The following SNTB1 variants were observed in gnomAD, a reference collection of about 807,000 sequenced individuals.
SNTB1 encodes the protein beta-1-syntrophin.
A neutral mutation model predicts 48.9 loss-of-function variants in SNTB1; 36 were observed. That is an observed-to-expected ratio of 0.74 (90% confidence interval 0.56 to 0.97). The LOEUF is 0.97. Ranked by LOEUF, SNTB1 falls within the 50% of genes least tolerant of loss-of-function variation. The pLI is 0.00. For synonymous variants in SNTB1, 299 were observed against 294.6 expected, an observed-to-expected ratio of 1.01 and a Z score of -0.15; for missense variants, 786 against 703.4, an observed-to-expected ratio of 1.12 and a Z score of -1.33.
chr8:120,651,450 G>T (rs1025252042), intron 2 of SNTB1, among the ~76,000 whole-genome samples: 14 of 152,204 alleles, frequency 9.2e-5, no homozygotes, highest in Admixed American at 3.3e-4. Context: ...ACAAGTTAAT[G>T]AGAGTTGTGG....
At chr8:120,702,871 C>A (rs1818328726) in intron 1 of SNTB1, among the ~76,000 whole-genome samples, 1 of 152,114 alleles carries the variant, frequency 6.6e-6, no homozygotes, top group African/African-American at 2.4e-5. Context: ...CCTTTTGATA[C>A]CTTCACTTTT....
chr8:120,582,060 A>G (rs547511444), intron 3 of SNTB1, among the ~76,000 whole-genome samples: 1 of 152,300 alleles, frequency 6.6e-6, no homozygotes, highest in East Asian at 1.9e-4. Flanking sequence ...AAAAACAAAC[A>G]AAACAAAAAA....
intron 2 of SNTB1, among the ~76,000 whole-genome samples, chr8:120,640,301 A>T (rs1817167876): frequency 6.6e-6 from 1 of 152,212 alleles, no homozygotes; most frequent in South Asian, 2.1e-4. Flanking sequence ...GGTTTTCTAA[A>T]TATACAATCA....
At chr8:120,603,346 C>T (rs931081352) in intron 3 of SNTB1, among the ~76,000 whole-genome samples, 1 of 152,326 alleles carries the variant, frequency 6.6e-6, no homozygotes, top group African/African-American at 2.4e-5. Context: ...GTGATCCACC[C>T]GCCTTGGCCT....
chr8:120,704,804 A>G (rs1237505373), intron 1 of SNTB1, among the ~76,000 whole-genome samples: 6 of 152,250 alleles, frequency 3.9e-5, no homozygotes, highest in African/African-American at 1.4e-4. Flanking sequence ...GGCACTAAAT[A>G]AAAAGATGAA....
At chr8:120,543,817 T>G (rs1815332495) in intron 5 of SNTB1, among the ~76,000 whole-genome samples, 1 of 152,192 alleles carries the variant, frequency 6.6e-6, no homozygotes, top group Non-Finnish European at 1.5e-5. Flanking sequence ...CTAGGGCTGA[T>G]CTTTTCATCT....
At chr8:120,728,107 C>A (rs1563582081) in intron 1 of SNTB1, among the ~76,000 whole-genome samples, 4 of 152,174 alleles carry the variant, frequency 2.6e-5, no homozygotes, top group Admixed American at 6.5e-5. Context: ...CTCACTGCAA[C>A]CTCCACCTCC....
intron 4 of SNTB1, 71 bp downstream of exon 4, chr8:120,575,015 T>G: frequency 1.9e-5 from 31 of 1,589,856 alleles, no homozygotes; most frequent in Middle Eastern, 1.7e-4. Flanking sequence ...TATAACGTAT[T>G]GAGCTAATTG....
intron 4 of SNTB1, among the ~76,000 whole-genome samples, chr8:120,553,017 G>A (rs1446685901): frequency 5.9e-5 from 9 of 152,080 alleles, no homozygotes; most frequent in Non-Finnish European, 1.3e-4. Context: ...GAGCTCAGGC[G>A]GTAATGCGAG....
chr8:120,791,310 A>C (rs1264187431), intron 1 of SNTB1, among the ~76,000 whole-genome samples: 1 of 152,076 alleles, frequency 6.6e-6, no homozygotes, highest in East Asian at 1.9e-4. Context: ...AGATGGATCA[A>C]AGACTTCAAT....
chr8:120,615,092 A>C (rs1231707810), intron 3 of SNTB1, among the ~76,000 whole-genome samples: 1 of 151,836 alleles, frequency 6.6e-6, no homozygotes, highest in Non-Finnish European at 1.5e-5. Context: ...CGGAGGTTTC[A>C]GTGAGCCGAG....
chr8:120,738,070 G>C (rs1280791354), intron 1 of SNTB1, among the ~76,000 whole-genome samples: 2 of 152,082 alleles, frequency 1.3e-5, no homozygotes, highest in Non-Finnish European at 2.9e-5. Flanking sequence ...GGTTGACTAG[G>C]TCATAAGGAC....
chr8:120,637,842 G>A (rs1817108832), intron 2 of SNTB1: 2 of 278,606 alleles, frequency 7.2e-6, no homozygotes, highest in South Asian at 8.3e-5. Context: ...GGTTTCTTTT[G>A]ACATCTTCTA....
chr8:120,651,620 G>A (rs1405419987), intron 2 of SNTB1, among the ~76,000 whole-genome samples: 1 of 152,104 alleles, frequency 6.6e-6, no homozygotes, highest in Non-Finnish European at 1.5e-5. Flanking sequence ...AGGGTCAAAT[G>A]TTTAGTATTA....
At chr8:120,722,010 T>C (rs1037298459) in intron 1 of SNTB1, among the ~76,000 whole-genome samples, 1 of 152,070 alleles carries the variant, frequency 6.6e-6, no homozygotes, top group African/African-American at 2.4e-5. Context: ...GTCCTTGTGA[T>C]AGTTTGCTGA....
In SNTB1 at chr8:120,765,132, T is replaced by C. The variant is rs537387941; in HGVS notation, c.571+46141A>G. 9.1e-4 allele frequency among the ~76,000 whole-genome samples: 138 copies of C among 151,730 alleles called. 1 individual carries two copies. The East Asian group carries it at 0.011, about 12-fold the overall frequency. ...CCCAGCTACTCAGGAAACTGAGGCA[T>C]GAGATTTGCTTGGACCTGGGAGGCG... On this transcript the variant is annotated intron_variant, in intron 1 of 6. Coordinates refer to ENST00000517992, the MANE Select transcript of SNTB1 (RefSeq NM_021021.4).
intron 2 of SNTB1, among the ~76,000 whole-genome samples, chr8:120,678,014 G>T (rs1392709287): frequency 6.6e-6 from 1 of 152,148 alleles, no homozygotes; most frequent in Non-Finnish European, 1.5e-5. Context: ...GCAGTGAAAA[G>T]AAATTGCACT....
chr8:120,538,778 G>C lies in SNTB1; in HGVS notation c.*99C>G. 1.0e-6 allele frequency: 1 copy of C among 978,242 alleles called. No homozygotes were observed. Among genetic ancestry groups the C allele is most frequent in the South Asian group, 1.3e-5 (1 of 77,404 alleles). The allele number at this position is 978,242 out of a possible 1,614,324, so 60.6% of individuals were successfully genotyped here. On this transcript the variant is annotated 3_prime_UTR_variant, in exon 7 of 7. Transcript: ENST00000517992. ...TGAGAGCTAAAGCTGACTGTAGCAC[G>C]CTACATCTGGTGCGCTGCTCACTAC...
At chr8:120,735,296 T>A (rs1818924528) in intron 1 of SNTB1, among the ~76,000 whole-genome samples, 1 of 151,988 alleles carries the variant, frequency 6.6e-6, no homozygotes, top group Admixed American at 6.6e-5. Flanking sequence ...TGAGACCAGA[T>A]GAATGGAAAA....
Sources: gnomAD v4.1 joint callset for allele counts (sites outside exome capture counted in the v4.1 genomes callset) on GRCh38, gnomAD v4.1.1 for gene constraint, MANE v1.5 for transcripts, NCBI Gene and HGNC (gene_info 2026-07-23, HGNC 2026-07-21) for gene names.